Variants in INSR observed in about 807,000 individuals in gnomAD.
INSR encodes IR.
INSR carries 67 observed loss-of-function variants against 142.6 expected under a neutral mutation model. The ratio of observed to expected loss-of-function variants is 0.47; its 90% CI spans 0.39 to 0.58. INSR has a LOEUF of 0.58. INSR is among the 20% of genes least tolerant of loss of function. The probability of loss-of-function intolerance (pLI) is 0.00; values close to 1 mark genes in which losing one functional copy is unlikely to be tolerated. For missense variants in INSR, 1,248 were observed against 1,833.2 expected, an observed-to-expected ratio of 0.68 and a Z score of 5.83; for synonymous variants, 756 against 743.1, an observed-to-expected ratio of 1.02 and a Z score of -0.28.
chr19:7,248,108 G>A (rs1976589498), intron 2 of INSR, among the ~76,000 whole-genome samples: 1 of 151,894 alleles, frequency 6.6e-6, no homozygotes, highest in Non-Finnish European at 1.5e-5. Flanking sequence ...AGACCAACCT[G>A]GGCAACACAG....
intron 2 of INSR, among the ~76,000 whole-genome samples, chr19:7,198,682 C>T (rs1233146415): frequency 1.3e-5 from 2 of 152,140 alleles, no homozygotes; most frequent in African/African-American, 2.4e-5. Flanking sequence ...CGGGCCAGTG[C>T]ACCCTCTATT....
Position 7,125,091 on chromosome 19 carries a change from G to C in INSR, c.3258+192C>G, listed in dbSNP as rs1356304119. Among the ~76,000 whole-genome samples the C allele has an allele frequency of 6.6e-6, 1 of 152,122 alleles. No individual in the cohort carries two copies. The highest frequency in any genetic ancestry group is 1.5e-5 in the Non-Finnish European group (1 of 68,024). On this transcript the variant is annotated intron_variant, in intron 17 of 21. Coordinates refer to ENST00000302850, the MANE Select transcript of INSR (RefSeq NM_000208.4). This position sits in a 1 kb window ranked among gnomAD's most constrained non-coding sequence, Gnocchi z 4.9. ...GAGACAGTGATAGAGTCTGGTTCCA[G>C]GCGAAGTGGGAGAGGATGGGATTTG...
At chr19:7,260,703 G>T (rs1412290287) in intron 2 of INSR, among the ~76,000 whole-genome samples, 1 of 151,882 alleles carries the variant, frequency 6.6e-6, no homozygotes, top group African/African-American at 2.4e-5. Context: ...AGCACCTGAG[G>T]CTAGGTTAAG....
intron 3 of INSR, among the ~76,000 whole-genome samples, chr19:7,179,266 T>C (rs758868251): frequency 2.0e-5 from 3 of 152,186 alleles, no homozygotes; most frequent in African/African-American, 4.8e-5. Context: ...CCCAAACAGT[T>C]TGTGGGAATC....
In INSR at chr19:7,286,152, T is replaced by C. The variant is rs184732901; in HGVS notation, c.100+7640A>G. ...TCACCACTGTATCTGGATAATTTTTTTGTAGGGTTTTGTAGAGACGGGGTC... is the reference window on the plus strand; with the variant it reads ...TCACCACTGTATCTGGATAATTTTTCTGTAGGGTTTTGTAGAGACGGGGTC... On this transcript the variant is annotated intron_variant, in intron 1 of 21. Transcript: ENST00000302850. 1.1e-4 allele frequency among the ~76,000 whole-genome samples: 17 copies of C among 150,092 alleles called. No individual in the cohort carries two copies. In the East Asian group the frequency reaches 3.3e-3, roughly 29 times the overall value.
chr19:7,187,722 G>C (rs143244158), intron 2 of INSR, among the ~76,000 whole-genome samples: 2 of 151,618 alleles, frequency 1.3e-5, no homozygotes, highest in Non-Finnish European at 2.9e-5. Flanking sequence ...ATGGACATGC[G>C]CCACCACGCC....
At chr19:7,185,768 G>A (rs1475442456) in intron 2 of INSR, among the ~76,000 whole-genome samples, 1 of 148,620 alleles carries the variant, frequency 6.7e-6, no homozygotes, top group African/African-American at 2.5e-5. Flanking sequence ...ACTTGAATCT[G>A]GGAGGTGGAG....
chr19:7,246,149 T>C (rs538765936), intron 2 of INSR, among the ~76,000 whole-genome samples: 1 of 152,264 alleles, frequency 6.6e-6, no homozygotes, highest in South Asian at 2.1e-4. Flanking sequence ...ACTCCAGGGT[T>C]CTTTGGCAGA....
intron 1 of INSR, among the ~76,000 whole-genome samples, chr19:7,292,741 T>C (rs746238917): frequency 6.6e-6 from 1 of 152,188 alleles, no homozygotes; most frequent in Non-Finnish European, 1.5e-5. Flanking sequence ...CTTAAATGAT[T>C]GCGCCATCTT....
chr19:7,231,659 C>CA (rs1336220137), intron 2 of INSR, among the ~76,000 whole-genome samples: 1 of 152,028 alleles, frequency 6.6e-6, no homozygotes, highest in Non-Finnish European at 1.5e-5. Flanking sequence ...TATCCACCAC[C>CA]AACAACCTGC....
At chr19:7,174,456 TGAAC>T in intron 4 of INSR, 123 bp downstream of exon 4, 5 of 1,053,286 alleles carry the variant, frequency 4.7e-6, no homozygotes, top group Non-Finnish European at 7.3e-6. Flanking sequence ...GGGGAGCCAC[TGAAC>T]GACCATCCTA....
At chr19:7,249,321 T>C (rs967237132) in intron 2 of INSR, among the ~76,000 whole-genome samples, 1 of 152,166 alleles carries the variant, frequency 6.6e-6, no homozygotes, top group Admixed American at 6.6e-5. Flanking sequence ...CTCACCCCAG[T>C]AAAATTCCTT....
intron 2 of INSR, among the ~76,000 whole-genome samples, chr19:7,266,516 GC>G (rs1459698805): frequency 1.3e-5 from 2 of 151,700 alleles, no homozygotes; most frequent in East Asian, 3.9e-4. Flanking sequence ...CTCCCAAGTA[GC>G]TGGGACTACA....
chr19:7,240,757 ACAGT>A (rs1180802841), intron 2 of INSR, among the ~76,000 whole-genome samples: 1 of 152,192 alleles, frequency 6.6e-6, no homozygotes, highest in African/African-American at 2.4e-5. Flanking sequence ...GTGACAGGTC[ACAGT>A]CAGGGCGGTG....
At chr19:7,235,426 T>G (rs1158269333) in intron 2 of INSR, among the ~76,000 whole-genome samples, 1 of 152,050 alleles carries the variant, frequency 6.6e-6, no homozygotes, top group African/African-American at 2.4e-5. Flanking sequence ...CTCTAGAAAA[T>G]AAGATTCTGC....
At chr19:7,169,112 C>T (rs1249945841) in intron 6 of INSR, among the ~76,000 whole-genome samples, 1 of 152,194 alleles carries the variant, frequency 6.6e-6, no homozygotes, top group Non-Finnish European at 1.5e-5. Flanking sequence ...AGATGCCTGG[C>T]CGTCCCTTTG....
chr19:7,123,189 G>A (rs557568808), intron 17 of INSR, 200 bp from the exon 18 acceptor site: 34 of 571,970 alleles, frequency 5.9e-5, no homozygotes, highest in Admixed American at 3.0e-4. Context: ...TTTAATTTTC[G>A]AGACGGAATC....
chr19:7,255,260 C>T (rs919694136), intron 2 of INSR, among the ~76,000 whole-genome samples: 11 of 152,228 alleles, frequency 7.2e-5, no homozygotes, highest in Middle Eastern at 3.4e-3. Flanking sequence ...GCAAGGACTT[C>T]GGGGACGCAA....
chr19:7,202,699 C>T (rs1974996622), intron 2 of INSR, among the ~76,000 whole-genome samples: 1 of 152,158 alleles, frequency 6.6e-6, no homozygotes, highest in South Asian at 2.1e-4. Flanking sequence ...CGGGGTTTCA[C>T]CATGTTGGCC....
Sources: gnomAD v4.1 joint callset for allele counts (sites outside exome capture counted in the v4.1 genomes callset) on GRCh38, gnomAD v4.1.1 for gene constraint, Gnocchi (gnomAD v3.1) non-coding constraint, MANE v1.5 for transcripts, NCBI Gene and HGNC (gene_info 2026-07-23, HGNC 2026-07-21) for gene names.